The following LRP1B variants were observed in gnomAD, a reference collection of about 807,000 sequenced individuals.
LRP1B encodes the protein LDL receptor related protein 1B.
LRP1B carries 217 observed loss-of-function variants against 556.6 expected under a neutral mutation model. That is an observed-to-expected ratio of 0.39 (90% CI 0.35 to 0.44). The LOEUF (loss-of-function observed/expected upper bound fraction) is 0.44. Ranked by LOEUF, LRP1B falls within the 20% of genes least tolerant of loss-of-function variation. The pLI is 1.00. For missense variants in LRP1B, 5,053 were observed against 5,620.8 expected, an observed-to-expected ratio of 0.90 and a Z score of 3.23; for synonymous variants, 2,047 against 1,865.8, an observed-to-expected ratio of 1.10 and a Z score of -2.50.
rs903928838 is a variant in LRP1B at position 141,951,872 on chromosome 2, C to A, written c.83-141471G>T. On this transcript the variant is annotated intron_variant, in intron 1 of 90. Transcript: ENST00000389484. Reference sequence around the variant, plus strand: ...AATTTGCTTTTTTTAAATTAAGTTTCTAGGGTACATGTGTACAACGTGCAT... The same window carrying A: ...AATTTGCTTTTTTTAAATTAAGTTTATAGGGTACATGTGTACAACGTGCAT... Among the ~76,000 whole-genome samples, 19 of 151,994 alleles carry A rather than the reference C, an allele frequency of 1.3e-4. No homozygotes were observed. In the South Asian group the frequency reaches 3.1e-3, roughly 25 times the overall value.
intron 2 of LRP1B, among the ~76,000 whole-genome samples, chr2:141,796,574 T>G (rs1458645609): frequency 3.1e-5 from 4 of 128,458 alleles, no homozygotes; most frequent in Non-Finnish European, 6.4e-5. Flanking sequence ...GATAGCATTT[T>G]ATTCTTTTTT....
chr2:141,240,923 C>T (rs1683845832), intron 5 of LRP1B, among the ~76,000 whole-genome samples: 1 of 152,028 alleles, frequency 6.6e-6, no homozygotes, highest in African/African-American at 2.4e-5. Flanking sequence ...ACATAAAACA[C>T]CATGGTTATG....
rs78363540 is a variant in LRP1B at position 140,802,346 on chromosome 2, C to T, written c.5359+11311G>A. ...ATTTCCTATGTCATCATTGAATACC[C>T]CAGTGGACATTTATATTGATGAAAA... On this transcript the variant is annotated intron_variant, in intron 32 of 90. Coordinates refer to ENST00000389484, the MANE Select transcript of LRP1B (RefSeq NM_018557.3). 6.7e-3 allele frequency among the ~76,000 whole-genome samples: 1,021 copies of T among 152,234 alleles called. 9 individuals are homozygous for T. Among genetic ancestry groups the T allele is most frequent in the Middle Eastern group, 0.01 (3 of 292 alleles).
At chr2:140,655,446 CAAGTA>C (rs1259568607) in intron 41 of LRP1B, among the ~76,000 whole-genome samples, 1 of 152,138 alleles carries the variant, frequency 6.6e-6, no homozygotes, top group African/African-American at 2.4e-5. Flanking sequence ...ATCTCACTTG[CAAGTA>C]AATTGTTCTG....
chr2:140,561,785 A>T (rs1469478446), intron 43 of LRP1B, among the ~76,000 whole-genome samples: 2 of 152,138 alleles, frequency 1.3e-5, no homozygotes, highest in African/African-American at 4.8e-5. Flanking sequence ...TAAATTTAAC[A>T]GACACTACAA....
intron 1 of LRP1B, among the ~76,000 whole-genome samples, chr2:142,086,507 A>C (rs1307387438): frequency 6.6e-6 from 1 of 152,016 alleles, no homozygotes; most frequent in Non-Finnish European, 1.5e-5. Context: ...GTGGAGGCTG[A>C]GGCAGGAGAA....
At chr2:141,239,237 G>A (rs899151067) in intron 5 of LRP1B, among the ~76,000 whole-genome samples, 5 of 152,112 alleles carry the variant, frequency 3.3e-5, no homozygotes, top group Admixed American at 1.3e-4. Context: ...GTTGTCAGTT[G>A]TGTGCTTAAG....
chr2:140,732,232 C>T (rs978692867), intron 35 of LRP1B, among the ~76,000 whole-genome samples: 1 of 151,744 alleles, frequency 6.6e-6, no homozygotes, highest in Non-Finnish European at 1.5e-5. Flanking sequence ...AAAAGTACTC[C>T]ACCAGATTGA....
Position 142,075,707 on chromosome 2 carries a change from CTCTT to C in LRP1B, c.82+54937_82+54940del, listed in dbSNP as rs368457223. On this transcript the variant is annotated intron_variant, in intron 1 of 90. Transcript: ENST00000389484. ...AAACTCCTGTGCTCTCAATCTCTCT[CTCTT>C]TCTGTTTCCCTCCGCCTCTATTCCT... Among the ~76,000 whole-genome samples, 886 of 152,236 alleles carry C rather than the reference CTCTT, an allele frequency of 5.8e-3. 9 individuals are homozygous for C. The highest frequency in any genetic ancestry group is 0.02 in the African/African-American group (821 of 41,570).
At chr2:141,058,284 T>C (rs981185758) in intron 9 of LRP1B, among the ~76,000 whole-genome samples, 3 of 151,906 alleles carry the variant, frequency 2.0e-5, no homozygotes, top group Non-Finnish European at 4.4e-5. Flanking sequence ...GAAATACAAG[T>C]ATAAAATACA....
At chr2:140,694,142 T>C (rs1162252793) in intron 41 of LRP1B, among the ~76,000 whole-genome samples, 1 of 152,200 alleles carries the variant, frequency 6.6e-6, no homozygotes, top group Non-Finnish European at 1.5e-5. Flanking sequence ...TAAATAAGCA[T>C]ATTCTTTGGT....
chr2:141,995,956 T>C (rs1481817361), intron 1 of LRP1B, among the ~76,000 whole-genome samples: 1 of 152,052 alleles, frequency 6.6e-6, no homozygotes, highest in Non-Finnish European at 1.5e-5. Flanking sequence ...TTATACCCAT[T>C]AAGAAGTTAT....
chr2:140,233,180 C>A lies in LRP1B; in HGVS notation c.*6G>T, dbSNP rs2104870358. The A allele has an allele frequency of 1.3e-6, 2 of 1,573,436 alleles. No homozygotes were observed. The highest frequency in any genetic ancestry group is 1.7e-6 in the Non-Finnish European group (2 of 1,150,070). ...CATTTATACAGCATATAAAAGATAT[C>A]ACTGATTATGCCACTGTCTCTCTTA... On this transcript the variant is annotated 3_prime_UTR_variant, in exon 91 of 91. Transcript: ENST00000389484.
Position 141,707,798 on chromosome 2 carries a change from C to T in LRP1B, c.205+102481G>A, listed in dbSNP as rs79322422. ...AATAAAAGAGGCAGGTGTAAAACAC[C>T]GTGGGAGCAGGAGACAGCCTGCCAG... On this transcript the variant is annotated intron_variant, in intron 2 of 90. Transcript: ENST00000389484. 4.5e-3 allele frequency among the ~76,000 whole-genome samples: 686 copies of T among 152,140 alleles called. 6 individuals are homozygous for T. Among genetic ancestry groups the T allele is most frequent in the African/African-American group, 0.016 (661 of 41,516 alleles).
rs1408156859 is a variant in LRP1B at position 140,766,842 on chromosome 2, TATTATA to T, written c.5758+2365_5758+2370del. 3.4e-3 allele frequency among the ~76,000 whole-genome samples: 53 copies of T among 15,364 alleles called. 1 individual carries two copies. Among genetic ancestry groups the T allele is most frequent in the South Asian group, 0.021 (3 of 146 alleles). 10.1% of individuals were successfully genotyped at this position (15,364 alleles called of 152,430 possible). On this transcript the variant is annotated intron_variant, in intron 35 of 90. Coordinates refer to ENST00000389484, the MANE Select transcript of LRP1B (RefSeq NM_018557.3). The stretch of plus-strand genomic sequence containing the variant: ...TGTAAAATATATATATATATATATA[TATTATA>T]TATATATATATATATATAATATATA...
chr2:141,405,661 T>C (rs1370207589), intron 3 of LRP1B, among the ~76,000 whole-genome samples: 6 of 152,100 alleles, frequency 3.9e-5, no homozygotes, highest in Admixed American at 2.0e-4. Context: ...ATTAATCTCA[T>C]TATTATTTTG....
intron 3 of LRP1B, among the ~76,000 whole-genome samples, chr2:141,307,097 T>C (rs1227953175): frequency 6.6e-6 from 1 of 152,174 alleles, no homozygotes; most frequent in Non-Finnish European, 1.5e-5. Context: ...ATAAAAATGT[T>C]CTATAAATAT....
chr2:140,426,140 G>A (rs1685641532), intron 66 of LRP1B, among the ~76,000 whole-genome samples: 1 of 152,188 alleles, frequency 6.6e-6, no homozygotes, highest in Non-Finnish European at 1.5e-5. Context: ...GCCAAGAACA[G>A]GAGGCGCTGG....
chr2:141,299,146 T>C (rs1487344709), intron 3 of LRP1B, among the ~76,000 whole-genome samples: 1 of 152,094 alleles, frequency 6.6e-6, no homozygotes, highest in African/African-American at 2.4e-5. Context: ...CGAACTTCAG[T>C]ATGGCTAACT....
Sources: gnomAD v4.1 joint callset for allele counts (sites outside exome capture counted in the v4.1 genomes callset) on GRCh38, gnomAD v4.1.1 for gene constraint, MANE v1.5 for transcripts, NCBI Gene and HGNC (gene_info 2026-07-23, HGNC 2026-07-21) for gene names.